Variants in CSNK1D observed in about 807,000 individuals in gnomAD.
CSNK1D encodes casein kinase 1 delta.
Under a neutral mutation model 46.6 loss-of-function variants are expected in CSNK1D, and 16 were observed. The observed-to-expected ratio is 0.34, with a 90% CI of 0.23 to 0.52. The LOEUF (loss-of-function observed/expected upper bound fraction) is 0.52, where lower values mean the gene tolerates loss of function less well. Among genes scored for constraint, CSNK1D ranks in the 20% least tolerant of loss-of-function variants. The probability of loss-of-function intolerance (pLI) is 0.95; values close to 1 mark genes in which losing one functional copy is unlikely to be tolerated. For missense variants in CSNK1D, 398 were observed against 578.4 expected, an observed-to-expected ratio of 0.69 and a Z score of 3.20; for synonymous variants, 276 against 228.2, an observed-to-expected ratio of 1.21 and a Z score of -1.89.
chr17:82,240,361 C>T (rs1395505007), downstream of CSNK1D, among the ~76,000 whole-genome samples: 1 of 152,202 alleles, frequency 6.6e-6, no homozygotes, highest in Non-Finnish European at 1.5e-5. Flanking sequence ...GAGCAGGCAG[C>T]CCGGGCCTCA....
Position 82,253,113 on chromosome 17 carries a change from G to A in CSNK1D, c.468C>T (p.Tyr156=). ...TGTGCTGGTGGGTGCGTGCATCCCGGTACTTCTTGGCCAGCCCGAAGTCGA... is the reference window on the plus strand; with the variant it reads ...TGTGCTGGTGGGTGCGTGCATCCCGATACTTCTTGGCCAGCCCGAAGTCGA... ...YIIDFGLAKK[Y]RDARTHQHIP... The change falls in exon 4 of 9, where the codon TAC becomes TAT. Residue 156 remains tyrosine, a synonymous_variant. Transcript: ENST00000314028. 6.2e-7 allele frequency: 1 copy of A among 1,614,220 alleles called. No homozygotes were observed. The highest frequency in any genetic ancestry group is 8.5e-7 in the Non-Finnish European group (1 of 1,180,028).
At chr17:82,240,801 G>A (rs1006449305), downstream of CSNK1D, among the ~76,000 whole-genome samples, 1 of 152,174 alleles carries the variant, frequency 6.6e-6, no homozygotes, top group Non-Finnish European at 1.5e-5. Flanking sequence ...CAGGACGTGT[G>A]GGGGCTGGGG....
intron 8 of CSNK1D, chr17:82,246,393 G>A (rs2050850466): frequency 5.6e-6 from 7 of 1,239,672 alleles, no homozygotes; most frequent in South Asian, 1.6e-5. Flanking sequence ...CAGGGGAGAC[G>A]CACATCCTCG....
At chr17:82,269,096 TAAA>T (rs766007194) in intron 1 of CSNK1D, among the ~76,000 whole-genome samples, 5 of 105,366 alleles carry the variant, frequency 4.7e-5, no homozygotes, top group Non-Finnish European at 1.9e-5. Context: ...TACTTTGTCT[TAAA>T]AAAAAAAAAA....
In CSNK1D at chr17:82,252,330, G is replaced by A; in HGVS notation, c.736+104C>T. ...TCCTGCCACCACCCCTTTGGAAGGT[G>A]AGCAACTCTTCTGACAAAACCCAGA... is the stretch of plus-strand genomic sequence containing the variant. On this transcript the variant is annotated intron_variant, in intron 5 of 8. Coordinates refer to ENST00000314028, the MANE Select transcript of CSNK1D (RefSeq NM_001893.6). This position sits in a 1 kb window ranked among gnomAD's most constrained non-coding sequence, Gnocchi z 4.6. 1 of 1,345,004 alleles carries A rather than the reference G, an allele frequency of 7.4e-7. No individual in the cohort carries two copies. The highest frequency in any genetic ancestry group is 1.1e-6 in the Non-Finnish European group (1 of 937,664). The allele number at this position is 1,345,004 out of a possible 1,614,324, so 83.3% of individuals were successfully genotyped here.
downstream of CSNK1D, among the ~76,000 whole-genome samples, chr17:82,240,821 C>T (rs116400592): frequency 3.7e-3 from 562 of 152,268 alleles, 3 homozygotes; most frequent in African/African-American, 0.012. Flanking sequence ...GTCCCTGTGC[C>T]GCAGGGTGGG....
At chr17:82,271,871 G>C (rs1178460542) in intron 1 of CSNK1D, among the ~76,000 whole-genome samples, 1 of 152,222 alleles carries the variant, frequency 6.6e-6, no homozygotes, top group Non-Finnish European at 1.5e-5. Flanking sequence ...CTAGCTGACA[G>C]GTGCCCCAGT....
chr17:82,251,415 G>A lies in CSNK1D; in HGVS notation c.849C>T (p.Ser283=). The change falls in exon 6 of 9, where the codon TCC becomes TCT. Residue 283 remains serine, a synonymous_variant. Coordinates refer to ENST00000314028, the MANE Select transcript of CSNK1D (RefSeq NM_001893.6). The surrounding 1 kb of genome is among the most constrained non-coding windows in gnomAD (Gnocchi z 4.5). ...TGTTCCAGTCGAACACGTAGTCATAGGAGAAGCCCTGGCGATGGAACAGAT... is the reference window on the plus strand; with the variant it reads ...TGTTCCAGTCGAACACGTAGTCATAAGAGAAGCCCTGGCGATGGAACAGAT... ...FRNLFHRQGF[S]YDYVFDWNML... 6.2e-7 allele frequency: 1 copy of A among 1,614,180 alleles called. No individual in the cohort carries two copies. Among genetic ancestry groups the A allele is most frequent in the Non-Finnish European group, 8.5e-7 (1 of 1,180,044 alleles).
intron 2 of CSNK1D, among the ~76,000 whole-genome samples, chr17:82,260,723 T>C (rs371143592): frequency 1.9e-3 from 277 of 142,764 alleles, no homozygotes; most frequent in South Asian, 5.0e-3. Flanking sequence ...GATGGTGTAC[T>C]GACTGACGGT....
chr17:82,246,172 C>A, intron 8 of CSNK1D: 1 of 1,540,726 alleles, frequency 6.5e-7, no homozygotes, highest in Non-Finnish European at 8.7e-7. Context: ...TGGGGGAGCC[C>A]AGGCACAGAG....
In CSNK1D at chr17:82,248,243, C is replaced by A. The variant is rs994833249; in HGVS notation, c.1197+632G>T. 2 of 986,112 alleles carry A rather than the reference C, an allele frequency of 2.0e-6. No homozygotes were observed. Among genetic ancestry groups the A allele is most frequent in the African/African-American group, 3.5e-5 (2 of 57,246 alleles). The allele number at this position is 986,112 out of a possible 1,614,324, so 61.1% of individuals were successfully genotyped here. ...GAAAGCTGTTCTAGTTCAAAGAGCA[C>A]GTTAGCAAACGCAAAAGACAACAAA... On this transcript the variant is annotated intron_variant, in intron 8 of 8. Coordinates refer to ENST00000314028, the MANE Select transcript of CSNK1D (RefSeq NM_001893.6). This position sits in a 1 kb window ranked among gnomAD's most constrained non-coding sequence, Gnocchi z 4.1.
chr17:82,259,167 T>C (rs1402298781), intron 2 of CSNK1D, among the ~76,000 whole-genome samples: 2 of 152,276 alleles, frequency 1.3e-5, no homozygotes, highest in African/African-American at 2.4e-5. Context: ...ATTTTCTGCA[T>C]GCAGATCTTA....
intron 2 of CSNK1D, among the ~76,000 whole-genome samples, chr17:82,257,570 C>T (rs1045229877): frequency 2.0e-5 from 3 of 152,190 alleles, no homozygotes; most frequent in African/African-American, 4.8e-5. Context: ...GTGGTTTCCA[C>T]AACACTGGGC....
At chr17:82,253,361 G>A in intron 3 of CSNK1D, 117 bp from the exon 4 acceptor site, 10 of 897,446 alleles carry the variant, frequency 1.1e-5, no homozygotes, top group East Asian at 2.4e-5. Flanking sequence ...CCACAGCAGG[G>A]TAGTTTAACA....
At chr17:82,240,029 C>T (rs762821628), downstream of CSNK1D, 79 of 1,233,680 alleles carry the variant, frequency 6.4e-5, no homozygotes, top group African/African-American at 2.9e-4. Flanking sequence ...TGGCGGGCCG[C>T]GTGCAGCCGG....
At chr17:82,268,609 C>T (rs1168171067) in intron 1 of CSNK1D, among the ~76,000 whole-genome samples, 4 of 152,146 alleles carry the variant, frequency 2.6e-5, no homozygotes, top group Non-Finnish European at 5.9e-5. Context: ...CCTGGTGACA[C>T]GCAGATCACC....
chr17:82,249,728 A>T lies in CSNK1D; in HGVS notation c.886-126T>A. The T allele has an allele frequency of 6.6e-7, 1 of 1,513,002 alleles. No individual in the cohort carries two copies. Among genetic ancestry groups the T allele is most frequent in the Non-Finnish European group, 8.8e-7 (1 of 1,133,936 alleles). The allele number at this position is 1,513,002 out of a possible 1,614,324, so 93.7% of individuals were successfully genotyped here. A position where few individuals can be genotyped will look rare whatever the true frequency, so the allele number is the denominator to read the frequency against. On this transcript the variant is annotated intron_variant, in intron 6 of 8. Transcript: ENST00000314028. The surrounding 1 kb of genome is among the most constrained non-coding windows in gnomAD (Gnocchi z 6.7). ...GGCACTGGGACGAGACTGCCTGCAAAGCCCCCCACAGGCTGCACGTTTCTC... is the reference window on the plus strand; with the variant it reads ...GGCACTGGGACGAGACTGCCTGCAATGCCCCCCACAGGCTGCACGTTTCTC...
intron 1 of CSNK1D, among the ~76,000 whole-genome samples, chr17:82,267,756 G>A (rs1298413592): frequency 6.6e-6 from 1 of 152,238 alleles, no homozygotes; most frequent in Admixed American, 6.5e-5. Flanking sequence ...CATCCCACTA[G>A]TTATGTCAGC....
rs1380725005 is a variant in CSNK1D, at chr17:82,250,163, T to G, written c.886-561A>C. ...GCACGGGGGTGGGGAGGTCAGATTT[T>G]AAGCCGAGACAGCAACCTATGAAAA... On this transcript the variant is annotated intron_variant, in intron 6 of 8. Transcript: ENST00000314028. This position sits in a 1 kb window ranked among gnomAD's most constrained non-coding sequence, Gnocchi z 4.6. The G allele has an allele frequency of 3.2e-5, 41 of 1,289,874 alleles. No individual in the cohort carries two copies. Among genetic ancestry groups the G allele is most frequent in the Non-Finnish European group, 4.1e-5 (41 of 989,000 alleles). The allele number at this position is 1,289,874 out of a possible 1,614,324, so 79.9% of individuals were successfully genotyped here.
Sources: allele counts gnomAD v4.1 joint callset (sites outside exome capture counted in the v4.1 genomes callset), GRCh38; gene constraint gnomAD v4.1.1; non-coding constraint Gnocchi (gnomAD v3.1); transcripts MANE v1.5; gene names NCBI Gene and HGNC (gene_info 2026-07-23, HGNC 2026-07-21).